Variants in MAP3K3 observed in about 807,000 individuals in gnomAD.
MAP3K3 encodes the protein mitogen-activated protein kinase kinase kinase 3.
A neutral mutation model predicts 80.9 loss-of-function variants in MAP3K3; 12 were observed. The ratio of observed to expected loss-of-function variants is 0.15; its 90% CI spans 0.10 to 0.24. The LOEUF (loss-of-function observed/expected upper bound fraction) is 0.24. MAP3K3 is among the 10% of genes least tolerant of loss of function. The pLI is 1.00. For synonymous variants in MAP3K3, 272 were observed against 307.1 expected, an observed-to-expected ratio of 0.89 and a Z score of 1.19; for missense variants, 596 against 834.7, an observed-to-expected ratio of 0.71 and a Z score of 3.52.
At chr17:63,656,604 C>T (rs2143382897) in intron 4 of MAP3K3, among the ~76,000 whole-genome samples, 1 of 152,104 alleles carries the variant, frequency 6.6e-6, no homozygotes, top group East Asian at 1.9e-4. Context: ...GACTCTGTCT[C>T]CAAAAAATAA....
At chr17:63,636,847 G>A (rs761767735) in intron 2 of MAP3K3, 3 of 366,452 alleles carry the variant, frequency 8.2e-6, no homozygotes, top group Non-Finnish European at 1.6e-5. Context: ...TGCGTTGGTG[G>A]TCAAGTCCTC....
chr17:63,624,185 G>T (rs1031103667), intron 1 of MAP3K3, among the ~76,000 whole-genome samples: 1 of 152,132 alleles, frequency 6.6e-6, no homozygotes, highest in African/African-American at 2.4e-5. Context: ...AATGTTTATT[G>T]AATTTTTTTA....
intron 3 of MAP3K3, among the ~76,000 whole-genome samples, chr17:63,651,664 T>C (rs1408099689): frequency 6.6e-6 from 1 of 152,212 alleles, no homozygotes; most frequent in Non-Finnish European, 1.5e-5. Flanking sequence ...ACAAATCAGA[T>C]TTTACACCTC....
chr17:63,643,027 G>A (rs1278440191), intron 2 of MAP3K3, among the ~76,000 whole-genome samples: 1 of 151,330 alleles, frequency 6.6e-6, no homozygotes, highest in Non-Finnish European at 1.5e-5. Context: ...CAAAGTGTTG[G>A]GGTTAGAAGC....
At chr17:63,631,996 C>A (rs1162683663) in intron 1 of MAP3K3, among the ~76,000 whole-genome samples, 1 of 152,164 alleles carries the variant, frequency 6.6e-6, no homozygotes, top group East Asian at 1.9e-4. Context: ...TGACACTGTG[C>A]CATAATCCTC....
chr17:63,671,198 G>C (rs141715668), intron 6 of MAP3K3, among the ~76,000 whole-genome samples: 12 of 152,118 alleles, frequency 7.9e-5, no homozygotes, highest in Non-Finnish European at 1.5e-4. Flanking sequence ...TTCTCAAAGT[G>C]TGTTCTGGGG....
chr17:63,661,670 C>T (rs1273452668), intron 5 of MAP3K3, among the ~76,000 whole-genome samples: 1 of 152,214 alleles, frequency 6.6e-6, no homozygotes, highest in Non-Finnish European at 1.5e-5. Context: ...TTCTAATCTT[C>T]TCACCTAAAT....
In MAP3K3 at chr17:63,692,198, G is replaced by C. The variant is rs1298419260; in HGVS notation, c.1475-44G>C. 6.2e-7 allele frequency: 1 copy of C among 1,608,400 alleles called. No individual in the cohort carries two copies. Among genetic ancestry groups the C allele is most frequent in the East Asian group, 2.2e-5 (1 of 44,846 alleles). On this transcript the variant is annotated intron_variant, in intron 14 of 15. Transcript: ENST00000361733. This position sits in a 1 kb window ranked among gnomAD's most constrained non-coding sequence, Gnocchi z 4.5. ...GGGGGTGGGGAGGATGGGAGAAAAT[G>C]CAAGAGGGTCCAGGGTTGCAGCCTC...
chr17:63,642,530 T>C (rs2034463007), intron 2 of MAP3K3, among the ~76,000 whole-genome samples: 2 of 151,938 alleles, frequency 1.3e-5, no homozygotes, highest in Admixed American at 6.6e-5. Flanking sequence ...TGGTGGTGCA[T>C]GCCTGTAATC....
intron 1 of MAP3K3, among the ~76,000 whole-genome samples, chr17:63,631,285 TTCAG>T (rs754263410): frequency 1.3e-5 from 2 of 152,070 alleles, no homozygotes; most frequent in African/African-American, 2.4e-5. Context: ...GAAACCCTGT[TTCAG>T]TCAGTCAGTC....
At chr17:63,663,500 CAA>C (rs201343358) in intron 5 of MAP3K3, among the ~76,000 whole-genome samples, 14 of 94,194 alleles carry the variant, frequency 1.5e-4, no homozygotes, top group Admixed American at 2.3e-4. Context: ...AACTCCGTCT[CAA>C]AAAAAAAAAA....
rs1010354341 is a variant in MAP3K3, at chr17:63,660,207, C to A, written c.381+2300C>A. Among the ~76,000 whole-genome samples, 17 of 152,040 alleles carry A rather than the reference C, an allele frequency of 1.1e-4. 1 individual carries two copies. The East Asian group carries it at 2.3e-3, about 21-fold the overall frequency. The stretch of plus-strand genomic sequence containing the variant: ...TTTGTTACCACCTATTCCTTTATTT[C>A]CCTTTTTTTTTGAGATGGGATCTTA... On this transcript the variant is annotated intron_variant, in intron 5 of 15. Transcript: ENST00000361733.
intron 3 of MAP3K3, among the ~76,000 whole-genome samples, chr17:63,650,376 A>T (rs1380722929): frequency 1.3e-5 from 2 of 152,088 alleles, no homozygotes; most frequent in African/African-American, 4.8e-5. Flanking sequence ...ATCTCAGCTC[A>T]CTGCAACCTC....
At position 63,650,814 on chromosome 17, in the gene MAP3K3, C is replaced by T. The variant is rs554857921; in HGVS notation, c.168-1743C>T. 9.9e-5 allele frequency among the ~76,000 whole-genome samples: 15 copies of T among 151,970 alleles called. 1 individual carries two copies. The East Asian group carries it at 2.7e-3, about 28-fold the overall frequency. Reference sequence around the variant, plus strand: ...TCAAGTGATCCTCCCACCTCAGCCTCCCAAGTAGCTTAGACTATAAGCATG... The same window carrying T: ...TCAAGTGATCCTCCCACCTCAGCCTTCCAAGTAGCTTAGACTATAAGCATG... On this transcript the variant is annotated intron_variant, in intron 3 of 15. Coordinates refer to ENST00000361733, the MANE Select transcript of MAP3K3 (RefSeq NM_002401.5).
chr17:63,690,705 C>CA (rs1363503105), intron 12 of MAP3K3: 1 of 445,902 alleles, frequency 2.2e-6, no homozygotes, highest in Non-Finnish European at 4.1e-6. Context: ...CTCCCCTAGA[C>CA]AAGTATCTCT....
rs138946967 is a variant in MAP3K3 at position 63,692,682 on chromosome 17, T to TCTGAAGGC, written c.1652+275_1652+282dup. ...AATCTCTTAAGGAAGCAGGATCCACTCTGAAGGCCTGAAGGCCTGGACCAG... is the reference window on the plus strand; with the variant it reads ...AATCTCTTAAGGAAGCAGGATCCACTCTGAAGGCCTGAAGGCCTGAAGGCCTGGACCAG... On this transcript the variant is annotated intron_variant, in intron 15 of 15. Coordinates refer to ENST00000361733, the MANE Select transcript of MAP3K3 (RefSeq NM_002401.5). The surrounding 1 kb of genome is among the most constrained non-coding windows in gnomAD (Gnocchi z 4.5). Among the ~76,000 whole-genome samples the TCTGAAGGC allele has an allele frequency of 4.6e-5, 7 of 152,316 alleles. No homozygotes were observed. Among genetic ancestry groups the TCTGAAGGC allele is most frequent in the Non-Finnish European group, 1.0e-4 (7 of 68,026 alleles).
chr17:63,633,002 C>T (rs1437884413), intron 2 of MAP3K3, among the ~76,000 whole-genome samples, 200 bp downstream of exon 2: 2 of 152,028 alleles, frequency 1.3e-5, no homozygotes, highest in Admixed American at 6.6e-5. Context: ...CCGAGGCAGG[C>T]GGATCACCTG....
intron 6 of MAP3K3, among the ~76,000 whole-genome samples, chr17:63,678,614 G>A (rs12325866): frequency 0.28 from 42,736 of 152,218 alleles, 6,422 homozygotes; most frequent in Middle Eastern, 0.37. Flanking sequence ...CTGGGGTGAT[G>A]TGTCCAAGAA....
At position 63,689,599 on chromosome 17, in the gene MAP3K3, G is replaced by T; in HGVS notation, c.927G>T (p.Val309=). The stretch of plus-strand genomic sequence containing the variant: ...ATCAAGGCAACTTGTTCACCCTGGT[G>T]CCCTCCAGCCGCTCCCTGAGCACAA... ...RRHQGNLFTL[V]PSSRSLSTNG... Residue 309 remains valine, a synonymous_variant, in exon 11 of 16, where the codon GTG becomes GTT. Coordinates refer to ENST00000361733, the MANE Select transcript of MAP3K3 (RefSeq NM_002401.5). The surrounding 1 kb of genome is among the most constrained non-coding windows in gnomAD (Gnocchi z 4.3). 4 of 1,613,768 alleles carry T rather than the reference G, an allele frequency of 2.5e-6. No individual in the cohort carries two copies. The highest frequency in any genetic ancestry group is 3.4e-6 in the Non-Finnish European group (4 of 1,179,846).
Sources: gnomAD v4.1 joint callset for allele counts (sites outside exome capture counted in the v4.1 genomes callset) on GRCh38, gnomAD v4.1.1 for gene constraint, Gnocchi (gnomAD v3.1) non-coding constraint, MANE v1.5 for transcripts, NCBI Gene and HGNC (gene_info 2026-07-23, HGNC 2026-07-21) for gene names.